Variants in AKR1C3 observed in about 807,000 individuals in gnomAD.
AKR1C3 encodes 3-alpha hydroxysteroid dehydrogenase, type II.
AKR1C3 carries 48 observed loss-of-function variants against 43.6 expected under a neutral mutation model. The ratio of observed to expected loss-of-function variants is 1.10; its 90% CI spans 0.87 to 1.40. AKR1C3 has a LOEUF of 1.40. Among genes scored for constraint, AKR1C3 ranks in the 40% most tolerant of loss-of-function variants. The pLI is 0.00. For synonymous variants in AKR1C3, 162 were observed against 139.6 expected, an observed-to-expected ratio of 1.16 and a Z score of -1.13; for missense variants, 482 against 391.2, an observed-to-expected ratio of 1.23 and a Z score of -1.96.
rs926455315 is a variant in AKR1C3 at position 5,098,088 on chromosome 10, T to C, written c.369+538T>C. ...CTGTATTTAGCCAGGAATTACTGTGTAGTGTATAACTTTTGATTTAAAGTT... is the reference window on the plus strand; with the variant it reads ...CTGTATTTAGCCAGGAATTACTGTGCAGTGTATAACTTTTGATTTAAAGTT... On this transcript the variant is annotated intron_variant, in intron 3 of 8. Coordinates refer to ENST00000380554, the MANE Select transcript of AKR1C3 (RefSeq NM_003739.6). The C allele has an allele frequency of 1.1e-4, 112 of 992,246 alleles. No homozygotes were observed. The Admixed American group carries it at 2.1e-3, about 19-fold the overall frequency. 61.5% of individuals were successfully genotyped at this position (992,246 alleles called of 1,614,324 possible). A position where few individuals can be genotyped will look rare whatever the true frequency, so the allele number is the denominator to read the frequency against.
intron 2 of AKR1C3, 127 bp downstream of exon 2, chr10:5,096,704 C>A: frequency 7.0e-7 from 1 of 1,422,282 alleles, no homozygotes; most frequent in Admixed American, 2.6e-5. Flanking sequence ...TTCACACATA[C>A]TCACATACTA....
At chr10:5,089,525 T>G (rs1291037036), upstream of AKR1C3, among the ~76,000 whole-genome samples, 2 of 152,140 alleles carry the variant, frequency 1.3e-5, no homozygotes, top group East Asian at 3.8e-4. Flanking sequence ...TTCTGCTGGT[T>G]TAGTCTACTC....
chr10:5,076,220 A>G (rs1322837688), intron 1 of AKR1C3, among the ~76,000 whole-genome samples: 1 of 152,180 alleles, frequency 6.6e-6, no homozygotes, highest in Non-Finnish European at 1.5e-5. Context: ...CTATGGTTTG[A>G]TGTGTTCTCC....
intron 1 of AKR1C3, among the ~76,000 whole-genome samples, chr10:5,050,269 A>G (rs782664012): frequency 6.6e-6 from 1 of 152,232 alleles, no homozygotes; most frequent in Non-Finnish European, 1.5e-5. Flanking sequence ...AGGCTGCCTT[A>G]GTGGAGTGAA....
upstream of AKR1C3, among the ~76,000 whole-genome samples, chr10:5,092,175 TGTACATAATACAGA>T (rs1839106228): frequency 1.3e-5 from 2 of 152,266 alleles, no homozygotes; most frequent in African/African-American, 4.8e-5. Context: ...TTTATTGTTC[TGTACATAATACAGA>T]GTTATGTTTC....
Position 5,097,489 on chromosome 10 carries a change from T to A in AKR1C3, c.308T>A (p.Leu103Gln), listed in dbSNP as rs577759811. ...GTCCGACCAGCCTTGGAAAACTCAC[T>A]GAAGAAAGCTCAATTGGACTATGTT... The part of the protein sequence containing the change: ...ELVRPALENS[L>Q]KKAQLDYVDL... The change falls in exon 3 of 9, where the codon CTG becomes CAG. Residue 103 changes from leucine to glutamine, a missense_variant. Coordinates refer to ENST00000380554, the MANE Select transcript of AKR1C3 (RefSeq NM_003739.6). 7.4e-6 allele frequency: 12 copies of A among 1,613,892 alleles called. No individual in the cohort carries two copies. In the South Asian group the frequency reaches 1.2e-4, roughly 16 times the overall value.
At chr10:5,104,023 G>T (rs1239722111) in intron 7 of AKR1C3, among the ~76,000 whole-genome samples, 1 of 152,032 alleles carries the variant, frequency 6.6e-6, no homozygotes, top group African/African-American at 2.4e-5. Context: ...ATCGTTTAGA[G>T]ATTTAGATGT....
chr10:5,072,599 G>T (rs538727950), intron 1 of AKR1C3, among the ~76,000 whole-genome samples: 1 of 152,160 alleles, frequency 6.6e-6, no homozygotes, highest in African/African-American at 2.4e-5. Flanking sequence ...AAAATATCAA[G>T]AAAGATAACT....
intron 1 of AKR1C3, among the ~76,000 whole-genome samples, chr10:5,057,797 C>G (rs1383631882): frequency 6.6e-6 from 1 of 152,180 alleles, no homozygotes; most frequent in Non-Finnish European, 1.5e-5. Context: ...CATTTACTGA[C>G]TAAGATACCA....
chr10:5,098,073 C>G, intron 3 of AKR1C3: 2 of 994,914 alleles, frequency 2.0e-6, no homozygotes, highest in Non-Finnish European at 2.4e-6. Flanking sequence ...CTGTATTTAG[C>G]CAGGAATTAC....
intron 7 of AKR1C3, among the ~76,000 whole-genome samples, chr10:5,104,837 G>A (rs1018812973): frequency 4.6e-5 from 7 of 151,954 alleles, no homozygotes; most frequent in South Asian, 2.1e-4. Flanking sequence ...TCTTGATAAC[G>A]TTTTCCTTTT....
intron 1 of AKR1C3, among the ~76,000 whole-genome samples, chr10:5,078,794 A>G (rs1366950679): frequency 2.0e-5 from 3 of 152,206 alleles, no homozygotes; most frequent in African/African-American, 7.2e-5. Flanking sequence ...TAAGTTGAAA[A>G]TATTTGCCAT....
intron 6 of AKR1C3, 75 bp from the exon 7 acceptor site, chr10:5,102,410 C>T: frequency 7.2e-7 from 1 of 1,394,952 alleles, no homozygotes; most frequent in South Asian, 1.3e-5. Flanking sequence ...GAGTGGATGC[C>T]TTAGTCTGTT....
At chr10:5,090,627 TC>T (rs1839069364), upstream of AKR1C3, among the ~76,000 whole-genome samples, 1 of 152,152 alleles carries the variant, frequency 6.6e-6, no homozygotes, top group Admixed American at 6.6e-5. Context: ...GCTCCACCTT[TC>T]AGCACTTCTG....
In AKR1C3 at chr10:5,072,017, C is replaced by T. The variant is rs1413027677; in HGVS notation, c.84+23122C>T. On this transcript the variant is annotated intron_variant, in intron 1 of 8. Transcript: ENST00000439082. Reference sequence around the variant, plus strand: ...CTGTCCTCACCATGTTAATCAGTACCCAGCTTTCTTTGTCTTTGACTTTAG... The same window carrying T: ...CTGTCCTCACCATGTTAATCAGTACTCAGCTTTCTTTGTCTTTGACTTTAG... Among the ~76,000 whole-genome samples the T allele has an allele frequency of 2.0e-5, 3 of 152,118 alleles. No homozygotes were observed. In the East Asian group the frequency reaches 5.8e-4, roughly 29 times the overall value.
intron 1 of AKR1C3, among the ~76,000 whole-genome samples, chr10:5,081,245 T>C (rs1204269570): frequency 6.6e-6 from 1 of 151,264 alleles, no homozygotes; most frequent in Non-Finnish European, 1.5e-5. Context: ...GGGGCATAGC[T>C]GGTTAATGTT....
intron 1 of AKR1C3, among the ~76,000 whole-genome samples, chr10:5,084,369 C>T (rs1838913152): frequency 6.6e-6 from 1 of 151,348 alleles, no homozygotes; most frequent in Non-Finnish European, 1.5e-5. Context: ...TCAGGTTTGT[C>T]AAAGATCAGA....
intron 1 of AKR1C3, among the ~76,000 whole-genome samples, chr10:5,065,161 G>T (rs1244427144): frequency 6.6e-6 from 1 of 152,148 alleles, no homozygotes; most frequent in African/African-American, 2.4e-5. Flanking sequence ...TACACTGCTG[G>T]TGTATTAGTT....
At chr10:5,066,569 G>A (rs1394057104) in intron 1 of AKR1C3, among the ~76,000 whole-genome samples, 2 of 152,118 alleles carry the variant, frequency 1.3e-5, no homozygotes, top group Admixed American at 6.5e-5. Context: ...GCGCAGCAAC[G>A]AGACTATTAT....
Sources: gnomAD v4.1 joint callset for allele counts (sites outside exome capture counted in the v4.1 genomes callset) on GRCh38, gnomAD v4.1.1 for gene constraint, MANE v1.5 for transcripts, NCBI Gene and HGNC (gene_info 2026-07-23, HGNC 2026-07-21) for gene names.